Variants in CUX1 observed in about 807,000 individuals in gnomAD.
The protein encoded by CUX1 is cut like homeobox 1, also known as protein CASP.
Under a neutral mutation model 158.8 loss-of-function variants are expected in CUX1, and 31 were observed. The observed-to-expected ratio is 0.20, with a 90% CI of 0.15 to 0.26. The LOEUF (loss-of-function observed/expected upper bound fraction) is 0.26, where lower values mean the gene tolerates loss of function less well. CUX1 is among the 10% of genes least tolerant of loss of function. CUX1 has a pLI of 1.00. For synonymous variants in CUX1, 879 were observed against 862.1 expected (o/e 1.02, Z -0.34); for missense variants, 1,589 against 2,014.6 (o/e 0.79, Z 4.04).
intron 1 of CUX1, among the ~76,000 whole-genome samples, chr7:101,884,105 G>T (rs1799987155): frequency 6.6e-6 from 1 of 151,914 alleles, no homozygotes; most frequent in Non-Finnish European, 1.5e-5. Context: ...GACTTGCCCA[G>T]GCTGGTCGTG....
chr7:101,871,634 C>T (rs1798559675), intron 1 of CUX1, among the ~76,000 whole-genome samples: 1 of 152,034 alleles, frequency 6.6e-6, no homozygotes, highest in Non-Finnish European at 1.5e-5. Flanking sequence ...GTGCTGGCCC[C>T]CATCAGGTGG....
chr7:102,238,324 C>T (rs1316020364), intron 22 of CUX1, among the ~76,000 whole-genome samples: 5 of 152,158 alleles, frequency 3.3e-5, no homozygotes, highest in South Asian at 2.1e-4. Flanking sequence ...CAGACGCTGG[C>T]GTTACCTCTA....
intron 20 of CUX1, among the ~76,000 whole-genome samples, chr7:102,220,202 A>G (rs1438368937): frequency 2.6e-5 from 4 of 152,130 alleles, no homozygotes; most frequent in Non-Finnish European, 5.9e-5. Context: ...CTCTACTAAA[A>G]ATACAAAAAT....
intron 10 of CUX1, among the ~76,000 whole-genome samples, chr7:102,174,840 C>A (rs990016954): frequency 6.6e-6 from 1 of 152,208 alleles, no homozygotes; most frequent in Non-Finnish European, 1.5e-5. Flanking sequence ...ATCCCAACTA[C>A]TCAGGAGGCT....
At chr7:102,105,380 A>G (rs1340224589) in intron 6 of CUX1, among the ~76,000 whole-genome samples, 4 of 152,104 alleles carry the variant, frequency 2.6e-5, no homozygotes, top group Admixed American at 2.0e-4. Context: ...AATGACTTAC[A>G]TTACCAAAAA....
At chr7:101,900,586 G>A (rs960478758) in intron 1 of CUX1, among the ~76,000 whole-genome samples, 6 of 152,186 alleles carry the variant, frequency 3.9e-5, no homozygotes, top group Non-Finnish European at 7.3e-5. Context: ...CCTCTTACTA[G>A]TTTGGTTTTT....
intron 20 of CUX1, among the ~76,000 whole-genome samples, chr7:102,223,364 T>C (rs1798026808): frequency 6.6e-6 from 1 of 152,074 alleles, no homozygotes; most frequent in African/African-American, 2.4e-5. Context: ...GTGTCAGGCA[T>C]TGTGGGAGAA....
At chr7:101,999,885 C>CGT (rs1018568928) in intron 2 of CUX1, among the ~76,000 whole-genome samples, 7 of 151,678 alleles carry the variant, frequency 4.6e-5, no homozygotes, top group Non-Finnish European at 8.8e-5. Context: ...GGCATGCGTG[C>CGT]GTGTGTGTGT....
chr7:101,837,828 C>CAAAAA (rs200090006), intron 1 of CUX1, among the ~76,000 whole-genome samples: 7 of 44,376 alleles, frequency 1.6e-4, no homozygotes, highest in Non-Finnish European at 2.6e-4. Flanking sequence ...GAGACCCTGT[C>CAAAAA]AAAAAAAAAA....
chr7:102,134,444 A>G (rs141590769), intron 8 of CUX1, among the ~76,000 whole-genome samples: 1 of 152,348 alleles, frequency 6.6e-6, no homozygotes, highest in African/African-American at 2.4e-5. Flanking sequence ...TTGTGGACTT[A>G]CGTCTTTAAA....
At position 102,253,363 on chromosome 7, in the gene CUX1, C is replaced by G. The variant is rs926941444; in HGVS notation, c.*4321C>G. The G allele has an allele frequency of 1.0e-6, 1 of 985,320 alleles. No homozygotes were observed. The highest frequency in any genetic ancestry group is 1.7e-5 in the African/African-American group (1 of 57,232). 61.0% of individuals were successfully genotyped at this position (985,320 alleles called of 1,614,324 possible). A position where few individuals can be genotyped will look rare whatever the true frequency, so the allele number is the denominator to read the frequency against. On this transcript the variant is annotated 3_prime_UTR_variant, in exon 24 of 24. Coordinates refer to ENST00000292535, the MANE Select transcript of CUX1 (RefSeq NM_181552.4). ...GCTGCAAAGAGATCGCTGTGGGCCTCGGCTGACTACTTTAAGATTATGCCA... is the reference window on the plus strand; with the variant it reads ...GCTGCAAAGAGATCGCTGTGGGCCTGGGCTGACTACTTTAAGATTATGCCA...
intron 2 of CUX1, among the ~76,000 whole-genome samples, chr7:101,980,236 G>A (rs1214677045): frequency 6.6e-6 from 1 of 152,106 alleles, no homozygotes; most frequent in Non-Finnish European, 1.5e-5. Flanking sequence ...CTGGGTGTGG[G>A]GGCTCACACC....
chr7:101,950,816 G>T (rs1808974775), intron 2 of CUX1, among the ~76,000 whole-genome samples: 1 of 152,138 alleles, frequency 6.6e-6, no homozygotes, highest in African/African-American at 2.4e-5. Flanking sequence ...CTCCCAAAGT[G>T]CTGGGATTAC....
intron 20 of CUX1, among the ~76,000 whole-genome samples, chr7:102,208,772 A>T (rs1796203093): frequency 6.6e-6 from 1 of 152,104 alleles, no homozygotes; most frequent in African/African-American, 2.4e-5. Context: ...AGGCCCCCAG[A>T]CCCAGAAGAT....
intron 4 of CUX1, among the ~76,000 whole-genome samples, chr7:102,091,806 A>G (rs1828608507): frequency 6.6e-6 from 1 of 151,624 alleles, no homozygotes; most frequent in East Asian, 1.9e-4. Context: ...CCCAGGCTGG[A>G]GTGTAGTGGT....
At chr7:101,996,425 C>T (rs1057184430) in intron 2 of CUX1, among the ~76,000 whole-genome samples, 1 of 152,170 alleles carries the variant, frequency 6.6e-6, no homozygotes, top group South Asian at 2.1e-4. Context: ...GGTGGTCCGG[C>T]CCTGCTGTGC....
rs542765617 is a variant in CUX1 at position 102,178,537 on chromosome 7, C to G, written c.897C>G (p.Ile299Met). The part of the protein sequence containing the change: ...EVELAAKERE[I>M]AQLVEDVQRL... The stretch of plus-strand genomic sequence containing the variant: ...AGTTGGCCGCCAAGGAGCGGGAGAT[C>G]GCACAGCTGGTGGAGGACGTGCAGA... Residue 299 changes from isoleucine to methionine, a missense_variant, in exon 11 of 24, where the codon ATC (isoleucine) becomes ATG (methionine). Physicochemically the swap from Ile to Met is conservative, Grantham distance 10 (BLOSUM62 1). This residue lies in a region of CUX1 where 515 missense variants were observed against 574.4 expected (regional missense o/e 0.90). Coordinates refer to ENST00000292535, the MANE Select transcript of CUX1 (RefSeq NM_181552.4). 11 of 1,613,564 alleles carry G rather than the reference C, an allele frequency of 6.8e-6. No homozygotes were observed. The Admixed American group carries it at 8.3e-5, about 12-fold the overall frequency.
At chr7:101,826,128 T>C (rs1267151370) in intron 1 of CUX1, among the ~76,000 whole-genome samples, 1 of 152,060 alleles carries the variant, frequency 6.6e-6, no homozygotes, top group East Asian at 1.9e-4. Context: ...GAATCTTGCT[T>C]ATTTGGGGGA....
At chr7:102,050,994 T>G (rs1823425747) in intron 3 of CUX1, among the ~76,000 whole-genome samples, 1 of 152,090 alleles carries the variant, frequency 6.6e-6, no homozygotes, top group Admixed American at 6.6e-5. Context: ...TCCTGAGTGA[T>G]CGCTTCATTT....
Sources: gnomAD v4.1 joint callset for allele counts (sites outside exome capture counted in the v4.1 genomes callset) on GRCh38, gnomAD v4.1.1 for gene constraint, gnomAD v4.1.1 regional missense constraint, MANE v1.5 for transcripts, NCBI Gene and HGNC (gene_info 2026-07-23, HGNC 2026-07-21) for gene names.